DNER: variants seen among roughly 807,000 people sequenced by gnomAD.
The protein encoded by DNER is delta and Notch-like epidermal growth factor-related receptor.
Under a neutral mutation model 78.2 loss-of-function variants are expected in DNER, and 33 were observed. The ratio of observed to expected loss-of-function variants is 0.42; its 90% CI spans 0.32 to 0.56. The LOEUF (loss-of-function observed/expected upper bound fraction) is 0.56. Ranked by LOEUF, DNER falls within the 20% of genes least tolerant of loss-of-function variation. The pLI is 0.11. For synonymous variants in DNER, 417 were observed against 384.8 expected (o/e 1.08, Z -0.98); for missense variants, 918 against 975.3 (o/e 0.94, Z 0.78).
At chr2:229,473,992 G>A (rs1006723212) in intron 7 of DNER, among the ~76,000 whole-genome samples, 12 of 152,046 alleles carry the variant, frequency 7.9e-5, no homozygotes, top group Admixed American at 1.3e-4. Context: ...TGCAACTTCC[G>A]CCTCCTGGGT....
intron 6 of DNER, among the ~76,000 whole-genome samples, chr2:229,495,859 C>G (rs538256915): frequency 6.6e-6 from 1 of 152,318 alleles, no homozygotes; most frequent in African/African-American, 2.4e-5. Flanking sequence ...GCTGCTCACT[C>G]ATTCTCATAT....
intron 1 of DNER, among the ~76,000 whole-genome samples, chr2:229,693,981 G>A (rs557803904): frequency 1.4e-4 from 21 of 152,222 alleles, no homozygotes; most frequent in Non-Finnish European, 2.9e-4. Flanking sequence ...GGCCTAGGAG[G>A]GAAAATGGTT....
chr2:229,547,152 T>C, intron 4 of DNER, 60 bp from the exon 5 acceptor site: 1 of 1,594,552 alleles, frequency 6.3e-7, no homozygotes, highest in Non-Finnish European at 8.5e-7. Context: ...GGCAGTGTGT[T>C]GAAAGCTTTA....
rs528955946 is a variant in DNER at position 229,587,881 on chromosome 2, T to C, written c.680+513A>G. On this transcript the variant is annotated intron_variant, in intron 3 of 12. Coordinates refer to ENST00000341772, the MANE Select transcript of DNER (RefSeq NM_139072.4). ...CTTCCCCACCGGTGACAATGGACCC[T>C]GTCATTTAAAATAGCTTGAATTTTA... Among the ~76,000 whole-genome samples, 209 of 152,326 alleles carry C rather than the reference T, an allele frequency of 1.4e-3. 1 individual carries two copies. The highest frequency in any genetic ancestry group is 4.8e-3 in the African/African-American group (201 of 41,552).
At chr2:229,495,538 T>G (rs890407091) in intron 6 of DNER, among the ~76,000 whole-genome samples, 1 of 152,178 alleles carries the variant, frequency 6.6e-6, no homozygotes, top group Non-Finnish European at 1.5e-5. Flanking sequence ...AAAAGACCAA[T>G]GTCCCAGCTC....
At chr2:229,451,628 T>C (rs1364118228) in intron 7 of DNER, among the ~76,000 whole-genome samples, 2 of 152,172 alleles carry the variant, frequency 1.3e-5, no homozygotes, top group African/African-American at 2.4e-5. Context: ...AACAGTGACA[T>C]GAGAATGTGA....
intron 1 of DNER, among the ~76,000 whole-genome samples, chr2:229,603,469 AAT>A (rs1697872888): frequency 6.6e-6 from 1 of 152,224 alleles, no homozygotes; most frequent in African/African-American, 2.4e-5. Context: ...ATACTGATAA[AAT>A]ATACTATACA....
chr2:229,611,087 C>A (rs1400557860), intron 1 of DNER, among the ~76,000 whole-genome samples: 1 of 152,184 alleles, frequency 6.6e-6, no homozygotes, highest in Non-Finnish European at 1.5e-5. Context: ...CCCTGAAAGT[C>A]GATGTGAACA....
In DNER at chr2:229,695,080, G is replaced by T. The variant is rs546642490; in HGVS notation, c.276+19068C>A. 1.2e-4 allele frequency among the ~76,000 whole-genome samples: 18 copies of T among 152,190 alleles called. No individual in the cohort carries two copies. The South Asian group carries it at 3.7e-3, about 32-fold the overall frequency. ...TTTATAAGGGGCTTTTCCCCCTTTT[G>T]CTCAGTACTTCTCCTTGATGCCACC... On this transcript the variant is annotated intron_variant, in intron 1 of 12. Coordinates refer to ENST00000341772, the MANE Select transcript of DNER (RefSeq NM_139072.4).
intron 1 of DNER, among the ~76,000 whole-genome samples, chr2:229,668,532 GTGTGTA>G (rs1185659849): frequency 3.2e-3 from 11 of 3,426 alleles, no homozygotes; most frequent in African/African-American, 4.2e-3. Flanking sequence ...GTGTGTGTGT[GTGTGTA>G]TATATATATA....
rs535328824 is a variant in DNER, at chr2:229,548,404, A to G, written c.848-1312T>C. ...TGACACATATACACCGTGGAATACC[A>G]TGCAGCCATAAAAAAGGATGAGTTC... is the stretch of plus-strand genomic sequence containing the variant. On this transcript the variant is annotated intron_variant, in intron 4 of 12. Transcript: ENST00000341772. Among the ~76,000 whole-genome samples, 1,241 of 152,330 alleles carry G rather than the reference A, an allele frequency of 8.1e-3. 12 individuals are homozygous for G. The highest frequency in any genetic ancestry group is 0.029 in the African/African-American group (1,186 of 41,556).
At chr2:229,423,756 A>G (rs570287659) in intron 8 of DNER, among the ~76,000 whole-genome samples, 54 of 152,346 alleles carry the variant, frequency 3.5e-4, no homozygotes, top group Middle Eastern at 3.4e-3. Context: ...TAAATCTCCA[A>G]TAAAGAATAT....
chr2:229,543,351 A>G (rs1411780528), intron 5 of DNER, among the ~76,000 whole-genome samples: 5 of 152,098 alleles, frequency 3.3e-5, no homozygotes. Context: ...CAATGAGTCC[A>G]TTTGAAGCTT....
chr2:229,655,325 A>G (rs1041846820), intron 1 of DNER, among the ~76,000 whole-genome samples: 1 of 152,262 alleles, frequency 6.6e-6, no homozygotes, highest in Non-Finnish European at 1.5e-5. Flanking sequence ...AGGGACTGGT[A>G]AAAAAAGAAA....
chr2:229,577,437 C>T (rs989109872), intron 4 of DNER, among the ~76,000 whole-genome samples: 19 of 152,190 alleles, frequency 1.2e-4, no homozygotes, highest in African/African-American at 4.6e-4. Flanking sequence ...GAGGCTGAGG[C>T]AGGAGGAATA....
At chr2:229,504,238 G>C (rs1055446098) in intron 6 of DNER, among the ~76,000 whole-genome samples, 2 of 151,700 alleles carry the variant, frequency 1.3e-5, no homozygotes, top group African/African-American at 4.9e-5. Flanking sequence ...ACTTATTTTT[G>C]AGACAGAGTC....
In DNER at chr2:229,477,170, G is replaced by C. The variant is rs747200067; in HGVS notation, c.1231C>G (p.Leu411Val). ...GGACACTGGCAGGTGAATCCACTGA[G>C]ACTGGAAATGCATGTTGCTCCATTT... The part of the protein sequence containing the change: ...CRNGATCISS[L>V]SGFTCQCPEG... Residue 411 changes from leucine to valine, a missense_variant, in exon 7 of 13, where the codon CTC becomes GTC. Leu to Val is a conservative substitution (Grantham distance 32). Transcript: ENST00000341772. 10 of 1,613,822 alleles carry C rather than the reference G, an allele frequency of 6.2e-6. No homozygotes were observed. In the Admixed American group the frequency reaches 1.7e-4, roughly 27 times the overall value.
intron 11 of DNER, among the ~76,000 whole-genome samples, chr2:229,387,956 A>G (rs2106335805): frequency 6.6e-6 from 1 of 152,164 alleles, no homozygotes; most frequent in East Asian, 1.9e-4. Context: ...TCTGTTCAGC[A>G]CATTTTTGGC....
chr2:229,528,195 T>G (rs1316569743), intron 5 of DNER, among the ~76,000 whole-genome samples: 2 of 152,222 alleles, frequency 1.3e-5, no homozygotes, highest in African/African-American at 4.8e-5. Context: ...GAAGGGTCCC[T>G]GCTCACTCAA....
Sources: allele counts gnomAD v4.1 joint callset (sites outside exome capture counted in the v4.1 genomes callset), GRCh38; gene constraint gnomAD v4.1.1; transcripts MANE v1.5; gene names NCBI Gene and HGNC (gene_info 2026-07-23, HGNC 2026-07-21).